The following FBN1 variants were observed in gnomAD, a reference collection of about 807,000 sequenced individuals.
FBN1 encodes the protein fibrillin-1.
Under a neutral mutation model 365.1 loss-of-function variants are expected in FBN1, and 29 were observed. The observed-to-expected ratio is 0.08, with a 90% CI of 0.06 to 0.11. The LOEUF (loss-of-function observed/expected upper bound fraction) is 0.11, where lower values mean the gene tolerates loss of function less well. FBN1 is among the 10% of genes least tolerant of loss of function. FBN1 has a pLI of 1.00. For synonymous variants in FBN1, 1,210 were observed against 1,270.5 expected (o/e 0.95, Z 1.01); for missense variants, 2,476 against 3,703.2 (o/e 0.67, Z 8.60).
At chr15:48,559,920 G>A (rs868650196) in intron 6 of FBN1, among the ~76,000 whole-genome samples, 1 of 152,190 alleles carries the variant, frequency 6.6e-6, no homozygotes, top group East Asian at 1.9e-4. Context: ...CAAGAGTTAA[G>A]TTTGTCTATT....
At chr15:48,574,074 C>G (rs1304178118) in intron 6 of FBN1, among the ~76,000 whole-genome samples, 2 of 152,178 alleles carry the variant, frequency 1.3e-5, no homozygotes, top group Non-Finnish European at 2.9e-5. Context: ...GTGGCACTGG[C>G]CTAATTACCT....
At chr15:48,587,695 T>C (rs2044447965) in intron 6 of FBN1, among the ~76,000 whole-genome samples, 1 of 152,178 alleles carries the variant, frequency 6.6e-6, no homozygotes, top group South Asian at 2.1e-4. Flanking sequence ...ATAGTATGCA[T>C]GTCTGTCTTT....
intron 60 of FBN1, among the ~76,000 whole-genome samples, chr15:48,422,882 G>A (rs1296118060): frequency 2.0e-5 from 3 of 151,912 alleles, no homozygotes; most frequent in East Asian, 1.9e-4. Flanking sequence ...AGCTGAGATC[G>A]CACCACTGCA....
chr15:48,640,495 G>A (rs1193564198), intron 2 of FBN1, among the ~76,000 whole-genome samples: 1 of 152,040 alleles, frequency 6.6e-6, no homozygotes, highest in Non-Finnish European at 1.5e-5. Context: ...AACTTTTTCT[G>A]TATTCCCTAT....
rs183800143 is a variant in FBN1, at chr15:48,509,989, C to T, written c.1714+55G>A. 1.3e-5 allele frequency: 21 copies of T among 1,592,682 alleles called. No individual in the cohort carries two copies. The Admixed American group carries it at 2.2e-4, about 16-fold the overall frequency. On this transcript the variant is annotated intron_variant, in intron 14 of 65. Transcript: ENST00000316623. The stretch of plus-strand genomic sequence containing the variant: ...CATTATTTGGTCTTGTTAAAGACCC[C>T]TGATATTGAAACTGCAATGGAAGGA...
At position 48,427,591 on chromosome 15, in the gene FBN1, G is replaced by C. The variant is rs397515848; in HGVS notation, c.7180C>G (p.Arg2394Gly). 4 of 1,614,084 alleles carry C rather than the reference G, an allele frequency of 2.5e-6. No homozygotes were observed. The East Asian group carries it at 8.9e-5, about 36-fold the overall frequency. ...CCTGCTCCATTGGTCATGAATCCTC[G>C]GCCATGGGGACAGAGTTTCTTGAAA... ...VAFKKLCPHGRGFMTNGADID... is the reference protein window; with the variant it reads ...VAFKKLCPHGGGFMTNGADID... Residue 2394 changes from arginine to glycine, a missense_variant, in exon 58 of 66, where the codon CGA (arginine) becomes GGA (glycine). Physicochemically the swap from Arg to Gly is moderately radical, Grantham distance 125. Coordinates refer to ENST00000316623, the MANE Select transcript of FBN1 (RefSeq NM_000138.5).
intron 2 of FBN1, among the ~76,000 whole-genome samples, chr15:48,626,504 C>T (rs1334824096): frequency 1.3e-5 from 2 of 152,032 alleles, no homozygotes; most frequent in African/African-American, 4.8e-5. Context: ...AGTCAACAGG[C>T]CATGGATCTT....
At chr15:48,416,662 A>T (rs919889090) in intron 63 of FBN1, 2 of 152,210 alleles carry the variant, frequency 1.3e-5, no homozygotes, top group African/African-American at 4.8e-5. Context: ...ATCAGCTAGA[A>T]GGGGGAAAAC....
intron 45 of FBN1, among the ~76,000 whole-genome samples, chr15:48,451,353 G>A (rs1044310581): frequency 2.0e-5 from 3 of 152,148 alleles, no homozygotes; most frequent in African/African-American, 7.2e-5. Flanking sequence ...TATCAGAGAC[G>A]TCCCTGCTTT....
intron 4 of FBN1, among the ~76,000 whole-genome samples, chr15:48,604,325 G>GGTAC (rs1230912839): frequency 6.6e-6 from 1 of 152,174 alleles, no homozygotes; most frequent in Non-Finnish European, 1.5e-5. Flanking sequence ...TTTTAATTTA[G>GGTAC]GTACTAGGAA....
rs1231571005 is a variant in FBN1 at position 48,452,552 on chromosome 15, C to A, written c.5545+10G>T. On this transcript the variant is annotated intron_variant, in intron 45 of 65. Transcript: ENST00000316623. ...GGGTAGGCATGTCCAGCCTGTGGGGCACTACATACCATTGCACTGTCCTGT... is the reference window on the plus strand; with the variant it reads ...GGGTAGGCATGTCCAGCCTGTGGGGAACTACATACCATTGCACTGTCCTGT... 2 of 1,613,996 alleles carry A rather than the reference C, an allele frequency of 1.2e-6. No homozygotes were observed. The highest frequency in any genetic ancestry group is 1.7e-5 in the Admixed American group (1 of 60,014).
chr15:48,456,886 G>C (rs1447177263), intron 43 of FBN1, 124 bp from the exon 44 acceptor site: 2 of 936,366 alleles, frequency 2.1e-6, no homozygotes, highest in Admixed American at 1.8e-5. Flanking sequence ...GCATGTGTTG[G>C]GGTGGTGGTG....
At chr15:48,469,231 T>C (rs951333807) in intron 36 of FBN1, among the ~76,000 whole-genome samples, 7 of 138,854 alleles carry the variant, frequency 5.0e-5, no homozygotes, top group Non-Finnish European at 1.1e-4. Flanking sequence ...CAACCAAAAA[T>C]TCAGACACAG....
intron 60 of FBN1, among the ~76,000 whole-genome samples, chr15:48,422,856 G>A (rs1014476642): frequency 1.3e-5 from 2 of 152,122 alleles, no homozygotes; most frequent in African/African-American, 2.4e-5. Flanking sequence ...CTACCTGGGA[G>A]GCAGAGGTTG....
chr15:48,595,223 T>C (rs2044507529), intron 6 of FBN1, among the ~76,000 whole-genome samples: 1 of 152,206 alleles, frequency 6.6e-6, no homozygotes, highest in Non-Finnish European at 1.5e-5. Flanking sequence ...CAGAAAATAA[T>C]TTCTCACAAA....
intron 4 of FBN1, among the ~76,000 whole-genome samples, chr15:48,609,830 G>A (rs560529382): frequency 1.3e-5 from 2 of 152,336 alleles, no homozygotes; most frequent in South Asian, 4.1e-4. Flanking sequence ...GCCCTAACCT[G>A]TTAATTGGCT....
At chr15:48,438,021 C>A (rs2043086705) in intron 50 of FBN1, 104 bp from the exon 51 acceptor site, 1 of 1,167,884 alleles carries the variant, frequency 8.6e-7, no homozygotes, top group African/African-American at 1.5e-5. Flanking sequence ...GTTCTCCTCT[C>A]AGGACCACAG....
chr15:48,428,576 C>T, intron 56 of FBN1, 105 bp from the exon 57 acceptor site: 1 of 1,293,284 alleles, frequency 7.7e-7, no homozygotes, highest in Non-Finnish European at 1.1e-6. Context: ...CCCTCCTTCC[C>T]TCCCTTTGTT....
chr15:48,425,805 T>C lies in FBN1; in HGVS notation c.7264A>G (p.Arg2422Gly). 2 of 1,612,728 alleles carry C rather than the reference T, an allele frequency of 1.2e-6. No individual in the cohort carries two copies. Among genetic ancestry groups the C allele is most frequent in the Non-Finnish European group, 1.7e-6 (2 of 1,178,730 alleles). Residue 2422 changes from arginine (R) to glycine (G), a missense_variant, in exon 59 of 66, where the codon AGA becomes GGA. By Grantham distance (125) the Arg-to-Gly change is moderately radical. This residue lies in a region of FBN1 where 1,780 missense variants were observed against 2,840.8 expected (regional missense o/e 0.63). Transcript: ENST00000316623. The stretch of plus-strand genomic sequence containing the variant: ...TTACAAATGCAATGATATGATCCTC[T>C]GTCATTGACACATTCCCCATTTCGG... Reference protein sequence around the residue: ...VCRNGECVNDRGSYHCICKTG... With the variant: ...VCRNGECVNDGGSYHCICKTG...
Sources: gnomAD v4.1 joint callset for allele counts (sites outside exome capture counted in the v4.1 genomes callset) on GRCh38, gnomAD v4.1.1 for gene constraint, gnomAD v4.1.1 regional missense constraint, MANE v1.5 for transcripts, NCBI Gene and HGNC (gene_info 2026-07-23, HGNC 2026-07-21) for gene names.